The following EYA1 variants were observed in gnomAD, a reference collection of about 807,000 sequenced individuals.
The protein encoded by EYA1 is EYA transcriptional coactivator and phosphatase 1.
In EYA1, 16 loss-of-function variants were observed where a neutral mutation model predicts 82.0. That is an observed-to-expected ratio of 0.20 (90% CI 0.13 to 0.30). The LOEUF (loss-of-function observed/expected upper bound fraction) is 0.30, where lower values mean the gene tolerates loss of function less well. EYA1 is among the 10% of genes least tolerant of loss of function. The pLI is 1.00. For missense variants in EYA1, 633 were observed against 730.7 expected (o/e 0.87, Z 1.54); for synonymous variants, 261 against 264.4 (o/e 0.99, Z 0.12).
At chr8:71,489,942 C>A (rs2129223420) in intron 2 of EYA1, among the ~76,000 whole-genome samples, 1 of 152,288 alleles carries the variant, frequency 6.6e-6, no homozygotes, top group Admixed American at 6.5e-5. Flanking sequence ...CTGAGCCCAA[C>A]CCTGCAGGAT....
chr8:71,471,018 C>G (rs1163788774), intron 2 of EYA1: 4 of 414,242 alleles, frequency 9.7e-6, no homozygotes, highest in Non-Finnish European at 1.9e-5. Context: ...AAATTTATTG[C>G]TTTTACTTAA....
intron 11 of EYA1, among the ~76,000 whole-genome samples, chr8:71,249,356 T>C (rs1813475825): frequency 6.6e-6 from 1 of 152,076 alleles, no homozygotes; most frequent in Non-Finnish European, 1.5e-5. Context: ...TCAGCATGGC[T>C]GGGGAGGCCT....
At chr8:71,505,442 C>T (rs1812129127) in intron 2 of EYA1, among the ~76,000 whole-genome samples, 1 of 152,164 alleles carries the variant, frequency 6.6e-6, no homozygotes, top group African/African-American at 2.4e-5. Flanking sequence ...AACAAAAACA[C>T]TTTTGTGAAA....
chr8:71,240,388 A>C (rs1585943298), intron 12 of EYA1, among the ~76,000 whole-genome samples: 1 of 152,146 alleles, frequency 6.6e-6, no homozygotes, highest in African/African-American at 2.4e-5. Context: ...CATGTTGTAA[A>C]TCTTGATGCA....
chr8:71,275,538 A>G (rs1467383488), intron 9 of EYA1, among the ~76,000 whole-genome samples: 1 of 152,194 alleles, frequency 6.6e-6, no homozygotes, highest in East Asian at 1.9e-4. Flanking sequence ...GTGTTGTTAA[A>G]GAAATGCAGT....
chr8:71,535,935 C>T, intron 1 of EYA1: 1 of 443,626 alleles, frequency 2.3e-6, no homozygotes, highest in Admixed American at 4.2e-5. Context: ...TTTCCATTTA[C>T]CAGCATGTAT....
At chr8:71,446,282 GT>G (rs1806870723) in intron 2 of EYA1, among the ~76,000 whole-genome samples, 1 of 152,004 alleles carries the variant, frequency 6.6e-6, no homozygotes, top group African/African-American at 2.4e-5. Context: ...CATGGGGGTG[GT>G]TTCCCCCATG....
chr8:71,485,014 A>G (rs996167400), intron 2 of EYA1, among the ~76,000 whole-genome samples: 9 of 152,216 alleles, frequency 5.9e-5, no homozygotes, highest in Admixed American at 3.9e-4. Context: ...AAACAGCCTC[A>G]TGGTTATTCA....
chr8:71,345,352 G>A (rs1825582650), intron 3 of EYA1, among the ~76,000 whole-genome samples: 1 of 152,148 alleles, frequency 6.6e-6, no homozygotes, highest in Non-Finnish European at 1.5e-5. Flanking sequence ...AACAGTTGTA[G>A]CAACACTACA....
intron 9 of EYA1, among the ~76,000 whole-genome samples, chr8:71,275,060 G>A (rs535074755): frequency 6.7e-6 from 1 of 148,858 alleles, no homozygotes; most frequent in South Asian, 2.1e-4. Flanking sequence ...TGAGGCTGGA[G>A]TGGCAGGTAA....
chr8:71,501,522 C>T (rs1277403771), intron 2 of EYA1, among the ~76,000 whole-genome samples: 1 of 152,152 alleles, frequency 6.6e-6, no homozygotes, highest in Non-Finnish European at 1.5e-5. Flanking sequence ...TCTATCATGC[C>T]TGGACAAATT....
intron 1 of EYA1, among the ~76,000 whole-genome samples, chr8:71,360,765 T>C (rs1030399185): frequency 6.6e-6 from 1 of 152,222 alleles, no homozygotes; most frequent in Non-Finnish European, 1.5e-5. Flanking sequence ...CTACACTATG[T>C]GCTTACTATC....
chr8:71,346,359 C>G (rs1753493618), intron 3 of EYA1, among the ~76,000 whole-genome samples: 1 of 149,796 alleles, frequency 6.7e-6, no homozygotes. Flanking sequence ...TGTGGATATA[C>G]AGTATAGATA....
At chr8:71,386,104 A>G (rs894618300) in intron 2 of EYA1, among the ~76,000 whole-genome samples, 2 of 152,056 alleles carry the variant, frequency 1.3e-5, no homozygotes, top group Non-Finnish European at 2.9e-5. Flanking sequence ...AGTAATGATA[A>G]TTTTCTCTAT....
intron 3 of EYA1, among the ~76,000 whole-genome samples, chr8:71,344,823 T>C (rs928078336): frequency 6.6e-6 from 1 of 152,240 alleles, no homozygotes; most frequent in African/African-American, 2.4e-5. Context: ...ACTCACAACC[T>C]CAATCATATC....
intron 1 of EYA1, among the ~76,000 whole-genome samples, chr8:71,360,309 T>C (rs72654185): frequency 0.03 from 4,572 of 152,340 alleles, 82 homozygotes; most frequent in Middle Eastern, 0.044. Flanking sequence ...TTGAATGAAA[T>C]ACTTTTGATA....
At chr8:71,508,487 A>G (rs1586852818) in intron 2 of EYA1, among the ~76,000 whole-genome samples, 1 of 152,288 alleles carries the variant, frequency 6.6e-6, no homozygotes, top group Non-Finnish European at 1.5e-5. Flanking sequence ...TATGATCTAA[A>G]TGTTTATGTC....
chr8:71,484,879 G>A (rs926974692), intron 2 of EYA1, among the ~76,000 whole-genome samples: 1 of 152,202 alleles, frequency 6.6e-6, no homozygotes, highest in Non-Finnish European at 1.5e-5. Context: ...TGTCCCGGGG[G>A]ACCTGGAGGG....
In EYA1 at chr8:71,541,687, T is replaced by G. The variant is rs190704390; in HGVS notation, c.-72-5839A>C. On this transcript the variant is annotated intron_variant, in intron 1 of 18. Coordinates refer to the EYA1 transcript ENST00000643681. ...TTGAGAAAGTGGTATGTACACAGCT[T>G]GAGAACCACAGTCCTATAAAGCCTG... Among the ~76,000 whole-genome samples the G allele has an allele frequency of 2.0e-5, 3 of 152,320 alleles. No individual in the cohort carries two copies. In the East Asian group the frequency reaches 5.8e-4, roughly 29 times the overall value.
Sources: gnomAD v4.1 joint callset for allele counts (sites outside exome capture counted in the v4.1 genomes callset) on GRCh38, gnomAD v4.1.1 for gene constraint, MANE v1.5 for transcripts, NCBI Gene and HGNC (gene_info 2026-07-23, HGNC 2026-07-21) for gene names.